The following WDR90 variants were observed in gnomAD, a reference collection of about 807,000 sequenced individuals.
WDR90 encodes WD repeat domain 90.
WDR90 carries 238 observed loss-of-function variants against 195.2 expected under a neutral mutation model. The observed-to-expected ratio is 1.22, with a 90% CI of 1.10 to 1.36. The LOEUF is 1.36. WDR90 is among the 40% of genes most tolerant of loss of function. The pLI, the probability that WDR90 is intolerant of heterozygous loss-of-function variation, is 0.00. For synonymous variants in WDR90, 1,265 were observed against 1,052.4 expected (o/e 1.20, Z -3.91); for missense variants, 2,734 against 2,439.5 (o/e 1.12, Z -2.54).
intron 27 of WDR90, 97 bp downstream of exon 27, chr16:660,258 CA>C: frequency 8.8e-7 from 1 of 1,131,480 alleles, no homozygotes; most frequent in Non-Finnish European, 1.2e-6. Context: ...TTTTGGTCGC[CA>C]AAGGTGATGG....
At chr16:661,003 C>CCCCT in intron 28 of WDR90, 48 bp from the exon 29 acceptor site, 1 of 94,710 alleles carries the variant, frequency 1.1e-5, no homozygotes, top group Non-Finnish European at 1.6e-5. Context: ...CCTCCCCGCC[C>CCCCT]CCCCCCCCCC....
Position 655,999 on chromosome 16 carries a change from G to A in WDR90, c.1966+110G>A, listed in dbSNP as rs990315952. 1.4e-5 allele frequency: 18 copies of A among 1,263,602 alleles called. No homozygotes were observed. In the African/African-American group the frequency reaches 3.1e-4, roughly 22 times the overall value. The allele number at this position is 1,263,602 out of a possible 1,614,324, so 78.3% of individuals were successfully genotyped here. A position where few individuals can be genotyped will look rare whatever the true frequency, so the allele number is the denominator to read the frequency against. On this transcript the variant is annotated intron_variant, in intron 17 of 40. Coordinates refer to ENST00000293879, the MANE Select transcript of WDR90 (RefSeq NM_145294.5). ...CTGTCAGCCGCCCTGGCTCCTGGCT[G>A]CACAGGGTGCCACGGGGCCAAGTGG...
intron 17 of WDR90, 65 bp from the exon 18 acceptor site, chr16:656,237 G>A (rs986463928): frequency 8.7e-5 from 128 of 1,475,432 alleles, no homozygotes; most frequent in East Asian, 1.4e-4. Context: ...TCGGGGACCC[G>A]AAGCCTGAGC....
chr16:667,587 T>G lies in WDR90; in HGVS notation c.5245T>G (p.Ter1749GlyextTer54). ...CCTTGTGTGGGAGGTCCCCGGCCTC[T>G]GAGATGCAGCAGGGACTGTGGTGGT... ...EILVWEVPGL[*>G] Residue 1749 changes from the stop codon to glycine (G), a stop_lost, in exon 41 of 41, where the codon TGA becomes GGA. Coordinates refer to ENST00000293879, the MANE Select transcript of WDR90 (RefSeq NM_145294.5). 6.2e-7 allele frequency: 1 copy of G among 1,607,000 alleles called. No individual in the cohort carries two copies. Among genetic ancestry groups the G allele is most frequent in the Non-Finnish European group, 8.5e-7 (1 of 1,179,892 alleles).
chr16:658,496 C>T (rs746087370), intron 22 of WDR90, 29 bp from the exon 23 acceptor site: 23 of 1,593,964 alleles, frequency 1.4e-5, no homozygotes, highest in East Asian at 4.5e-5. Flanking sequence ...TCCTGAGACA[C>T]GGCATTTCCC....
intron 28 of WDR90, 46 bp from the exon 29 acceptor site, chr16:661,005 C>CCCCCG: frequency 1.6e-5 from 2 of 123,328 alleles, no homozygotes; most frequent in Non-Finnish European, 2.3e-5. Context: ...TCCCCGCCCC[C>CCCCCG]CCCCCCCCCC....
At position 662,219 on chromosome 16, in the gene WDR90, G is replaced by A; in HGVS notation, c.4034-1G>A. 6.4e-7 allele frequency: 1 copy of A among 1,561,526 alleles called. No homozygotes were observed. Among genetic ancestry groups the A allele is most frequent in the Non-Finnish European group, 8.7e-7 (1 of 1,154,280 alleles). On this transcript the variant is annotated splice_acceptor_variant, in intron 32 of 40. Transcript: ENST00000293879. LOFTEE classifies it high-confidence loss of function. ...CCCCTTATGGCTCCTCCTGCCCCTAGGGCTGTTGCTGTTCTCGGGTTCTCG... is the reference window on the plus strand; with the variant it reads ...CCCCTTATGGCTCCTCCTGCCCCTAAGGCTGTTGCTGTTCTCGGGTTCTCG...
Position 655,012 on chromosome 16 carries a change from G to A in WDR90, c.1438-17G>A. 1 of 1,611,440 alleles carries A rather than the reference G, an allele frequency of 6.2e-7. No individual in the cohort carries two copies. Among genetic ancestry groups the A allele is most frequent in the Non-Finnish European group, 8.5e-7 (1 of 1,179,024 alleles). ...CGACTGGCCCTGCCGTGCGGGCTCA[G>A]CCTGGGCTTGTTGCAGATGGTGGTG... On this transcript the variant is annotated splice_polypyrimidine_tract_variant and intron_variant, in intron 13 of 40. Coordinates refer to ENST00000293879, the MANE Select transcript of WDR90 (RefSeq NM_145294.5).
At position 656,023 on chromosome 16, in the gene WDR90, G is replaced by A. The variant is rs1385808137; in HGVS notation, c.1966+134G>A. On this transcript the variant is annotated intron_variant, in intron 17 of 40. Transcript: ENST00000293879. ...TGCACAGGGTGCCACGGGGCCAAGT[G>A]GCATATCCAGAGCCCTGGGGCGGCT... is the stretch of plus-strand genomic sequence containing the variant. 3 of 1,114,074 alleles carry A rather than the reference G, an allele frequency of 2.7e-6. No individual in the cohort carries two copies. The South Asian group carries it at 4.4e-5, about 16-fold the overall frequency. The allele number at this position is 1,114,074 out of a possible 1,614,324, so 69.0% of individuals were successfully genotyped here.
intron 13 of WDR90, chr16:654,624 AC>A (rs2037709774): frequency 5.9e-6 from 1 of 170,658 alleles, no homozygotes; most frequent in South Asian, 1.6e-4. Flanking sequence ...TGTTTTTTTA[AC>A]TTTTTGTAGA....
rs540998595 is a variant in WDR90 at position 662,388 on chromosome 16, G to A, written c.4145+57G>A. 5.3e-4 allele frequency: 810 copies of A among 1,528,620 alleles called. 2 individuals are homozygous for A. The highest frequency in any genetic ancestry group is 2.0e-3 in the Admixed American group (100 of 50,782). The allele number at this position is 1,528,620 out of a possible 1,614,324, so 94.7% of individuals were successfully genotyped here. ...CACGTGGGTGTTGGTGTCCCTGACTGGGGCTTGCAGCCAGTGCCCCGCCCC... is the reference window on the plus strand; with the variant it reads ...CACGTGGGTGTTGGTGTCCCTGACTAGGGCTTGCAGCCAGTGCCCCGCCCC... On this transcript the variant is annotated intron_variant, in intron 33 of 40. Transcript: ENST00000293879.
At chr16:649,648 G>C (rs2037598072) in intron 1 of WDR90, 115 bp from the exon 2 acceptor site, 1 of 1,195,438 alleles carries the variant, frequency 8.4e-7, no homozygotes, top group African/African-American at 1.6e-5. Flanking sequence ...TGGCGTCGCC[G>C]GGGAAGGCGC....
In WDR90 at chr16:650,155, T is replaced by C. The variant is rs1172702341; in HGVS notation, c.267T>C (p.Asp89=). The C allele has an allele frequency of 9.3e-6, 15 of 1,612,878 alleles. No individual in the cohort carries two copies. Among genetic ancestry groups the C allele is most frequent in the African/African-American group, 1.3e-5 (1 of 74,940 alleles). ...LPSKHFVIHL[D]VSSKDNQVIR... Reference sequence around the variant, plus strand: ...GCAAGCACTTCGTCATCCACCTCGATGTGTCCTCCAAGGTACGGAGCCCGC... The same window carrying C: ...GCAAGCACTTCGTCATCCACCTCGACGTGTCCTCCAAGGTACGGAGCCCGC... The change falls in exon 3 of 41, where the codon GAT becomes GAC. Residue 89 remains aspartate (D), a synonymous_variant. Transcript: ENST00000293879.
Position 666,231 on chromosome 16 carries a change from C to G in WDR90, c.4621C>G (p.Leu1541Val). 1 of 1,612,508 alleles carries G rather than the reference C, an allele frequency of 6.2e-7. No homozygotes were observed. Among genetic ancestry groups the G allele is most frequent in the East Asian group, 2.2e-5 (1 of 44,868 alleles). The change falls in exon 37 of 41, where the codon CTC (leucine) becomes GTC (valine). Residue 1541 changes from leucine (L) to valine (V), a missense_variant. Physicochemically the swap from Leu to Val is conservative, Grantham distance 32. Transcript: ENST00000293879. ...CGGCATGGTCCCAGGTCAGACTGTC[C>G]TCTCTGGAGACAAGGATGGGCTCGT... ...VAFSTDGQTV[L>V]SGDKDGLVAV...
Position 649,378 on chromosome 16 carries a change from C to A in WDR90, c.-39C>A. 9 of 1,328,594 alleles carry A rather than the reference C, an allele frequency of 6.8e-6. No individual in the cohort carries two copies. In the East Asian group the frequency reaches 2.8e-4, roughly 41 times the overall value. 82.3% of individuals were successfully genotyped at this position (1,328,594 alleles called of 1,614,324 possible). A position where few individuals can be genotyped will look rare whatever the true frequency, so the allele number is the denominator to read the frequency against. On this transcript the variant is annotated 5_prime_UTR_variant, in exon 1 of 41. Transcript: ENST00000293879. ...GTCGCGGGGCGTACTCTGCGCTGGG[C>A]GCGCGGAGGCCTAGGCGGGAAGCTC... is the stretch of plus-strand genomic sequence containing the variant.
Sources: gnomAD v4.1 joint callset for allele counts on GRCh38, gnomAD v4.1.1 for gene constraint, MANE v1.5 for transcripts, NCBI Gene and HGNC (gene_info 2026-07-23, HGNC 2026-07-21) for gene names.